The following PLEKHG7 variants were observed in gnomAD, a reference collection of about 807,000 sequenced individuals.
PLEKHG7 encodes the protein pleckstrin homology domain-containing family G member 7.
A neutral mutation model predicts 85.2 loss-of-function variants in PLEKHG7; 77 were observed. The observed-to-expected ratio is 0.90, with a 90% CI of 0.75 to 1.09. The LOEUF is 1.09. Ranked by LOEUF, PLEKHG7 falls within the 50% of genes least tolerant of loss-of-function variation. The pLI is 0.00. For synonymous variants in PLEKHG7, 301 were observed against 302.4 expected, an observed-to-expected ratio of 1.00 and a Z score of 0.05; for missense variants, 777 against 804.3, an observed-to-expected ratio of 0.97 and a Z score of 0.41.
chr12:92,718,687 G>A (rs1167887125), intron 3 of PLEKHG7, among the ~76,000 whole-genome samples: 1 of 152,038 alleles, frequency 6.6e-6, no homozygotes. Flanking sequence ...ATAGTTTTGT[G>A]CTTGTCTCTG....
rs759455879 is a variant in PLEKHG7, at chr12:92,764,183, T to G, written c.1859T>G (p.Leu620Arg). The G allele has an allele frequency of 1.9e-6, 3 of 1,605,642 alleles. No individual in the cohort carries two copies. Among genetic ancestry groups the G allele is most frequent in the Non-Finnish European group, 1.7e-6 (2 of 1,175,652 alleles). The stretch of plus-strand genomic sequence containing the variant: ...TTGGTAGTCAAAAGTATTGAACCAC[T>G]CCATGTGTCAGGTATGTGTCTATTT... ...DRLVVKSIEP[L>R]HVSVFGLRNA... is the part of the protein sequence containing the mutation. The change falls in exon 15 of 17, where the codon CTC becomes CGC. Residue 620 changes from leucine to arginine, a missense_variant. Around this residue, in one of 3 missense-constraint regions of PLEKHG7, gnomAD observed 520 missense variants for 544.0 expected, o/e 0.96. Coordinates refer to ENST00000344636, the MANE Select transcript of PLEKHG7 (RefSeq NM_001377329.1).
intron 3 of PLEKHG7, among the ~76,000 whole-genome samples, chr12:92,714,706 G>T (rs1203016675): frequency 6.6e-6 from 1 of 152,076 alleles, no homozygotes; most frequent in Non-Finnish European, 1.5e-5. Context: ...TATGTTCCTT[G>T]GTTCTCCACA....
At chr12:92,765,306 G>A (rs1406330730) in intron 15 of PLEKHG7, among the ~76,000 whole-genome samples, 14 of 140,960 alleles carry the variant, frequency 9.9e-5, no homozygotes, top group Non-Finnish European at 1.5e-4. Flanking sequence ...GGGCAACATA[G>A]TGAGACCCAG....
chr12:92,756,396 A>G lies in PLEKHG7; in HGVS notation c.1636+5A>G. On this transcript the variant is annotated splice_donor_5th_base_variant and intron_variant, in intron 13 of 16. Transcript: ENST00000344636. ...AAGGAAAATTAACTCTTGCAGGTAA[A>G]TAACTGCTTCCTTTAAAAAACCCAA... is the stretch of plus-strand genomic sequence containing the variant. The G allele has an allele frequency of 6.3e-7, 1 of 1,599,392 alleles. No homozygotes were observed. The highest frequency in any genetic ancestry group is 8.6e-7 in the Non-Finnish European group (1 of 1,167,038).
chr12:92,749,282 A>T (rs76884271), intron 10 of PLEKHG7, among the ~76,000 whole-genome samples: 23,031 of 151,862 alleles, frequency 0.15, 2,036 homozygotes, highest in African/African-American at 0.24. Context: ...TTAATTAATT[A>T]ATTTATTTAT....
intron 13 of PLEKHG7, among the ~76,000 whole-genome samples, 180 bp from the exon 14 acceptor site, chr12:92,761,572 G>T (rs1244558990): frequency 6.9e-6 from 1 of 145,274 alleles, no homozygotes; most frequent in Non-Finnish European, 1.5e-5. Flanking sequence ...AGGAAGGAAG[G>T]AAGGAAGGAA....
chr12:92,747,764 T>C (rs765921231), intron 10 of PLEKHG7, among the ~76,000 whole-genome samples: 28 of 152,154 alleles, frequency 1.8e-4, no homozygotes, highest in Non-Finnish European at 2.8e-4. Flanking sequence ...CAGATAAAAC[T>C]AGAGGTCATT....
intron 10 of PLEKHG7, among the ~76,000 whole-genome samples, chr12:92,747,028 A>G (rs184135683): frequency 1.6e-3 from 244 of 152,356 alleles, no homozygotes; most frequent in African/African-American, 5.4e-3. Context: ...AAATAGACAA[A>G]TAGTACTATA....
At chr12:92,730,110 C>T (rs1040490282) in intron 4 of PLEKHG7, among the ~76,000 whole-genome samples, 17 of 152,148 alleles carry the variant, frequency 1.1e-4, no homozygotes, top group Non-Finnish European at 2.2e-4. Context: ...GTCTCCTGTA[C>T]GTGGAGCCCA....
Position 92,770,327 on chromosome 12 carries a change from A to G in PLEKHG7, c.*132A>G. 1.4e-6 allele frequency: 1 copy of G among 724,346 alleles called. No individual in the cohort carries two copies. The allele number at this position is 724,346 out of a possible 1,614,324, so 44.9% of individuals were successfully genotyped here. On this transcript the variant is annotated 3_prime_UTR_variant, in exon 17 of 17. Coordinates refer to ENST00000344636, the MANE Select transcript of PLEKHG7 (RefSeq NM_001377329.1). ...ATTTTAAAGAAGTTTCAGAATTTGA[A>G]ATTTTGAGCTAGGAAAATCCTCAGT...
chr12:92,703,869 G>C (rs1349985203), intron 1 of PLEKHG7, among the ~76,000 whole-genome samples: 3 of 152,106 alleles, frequency 2.0e-5, no homozygotes, highest in Admixed American at 2.0e-4. Flanking sequence ...GTGTCTGAAC[G>C]ACTACAAAGG....
rs1555196589 is a variant in PLEKHG7, at chr12:92,761,631, A to AAAGAAAG, written c.1637-118_1637-112dup. The AAAGAAAG allele has an allele frequency of 1.4e-4, 22 of 155,466 alleles. No homozygotes were observed. The African/African-American group carries it at 1.8e-3, about 13-fold the overall frequency. 9.6% of individuals were successfully genotyped at this position (155,466 alleles called of 1,614,324 possible). ...AAAAAGAAAGAAAGAAAGAAGAAAG[A>AAAGAAAG]AAGAAAGAAAGAAAGAAAGAAAGAA... On this transcript the variant is annotated intron_variant, in intron 13 of 16. Transcript: ENST00000344636.
intron 3 of PLEKHG7, among the ~76,000 whole-genome samples, chr12:92,720,760 A>T (rs2136581368): frequency 6.6e-6 from 1 of 152,282 alleles, no homozygotes; most frequent in South Asian, 2.1e-4. Context: ...CCATATGCAC[A>T]TGTTCCAGGG....
In PLEKHG7 at chr12:92,739,977, G is replaced by A. The variant is rs57968981; in HGVS notation, c.940-876G>A. Among the ~76,000 whole-genome samples the A allele has an allele frequency of 3.5e-3, 531 of 152,248 alleles. 6 individuals carry two copies. Among genetic ancestry groups the A allele is most frequent in the African/African-American group, 0.012 (497 of 41,546 alleles). ...TTGGAAATGCATGTTCTCAGACCCC[G>A]TCACAGATGAGGGTGGGGGCCCAGC... On this transcript the variant is annotated intron_variant, in intron 7 of 16. Transcript: ENST00000344636.
chr12:92,761,978 CT>C, intron 14 of PLEKHG7, 147 bp downstream of exon 14: 2 of 986,450 alleles, frequency 2.0e-6, no homozygotes, highest in Non-Finnish European at 1.3e-6. Flanking sequence ...AAACTATTGG[CT>C]TTTTTAGTCA....
intron 3 of PLEKHG7, among the ~76,000 whole-genome samples, chr12:92,712,536 C>T (rs1411174178): frequency 6.6e-6 from 1 of 152,180 alleles, no homozygotes; most frequent in Non-Finnish European, 1.5e-5. Flanking sequence ...CTGCACAGGC[C>T]AAATGGGAGA....
intron 3 of PLEKHG7, among the ~76,000 whole-genome samples, chr12:92,722,156 A>G (rs899959402): frequency 1.3e-5 from 2 of 152,078 alleles, no homozygotes; most frequent in African/African-American, 2.4e-5. Context: ...AAATTCAGTC[A>G]TGCTGAACTC....
chr12:92,744,167 G>T (rs1872450900), intron 9 of PLEKHG7, among the ~76,000 whole-genome samples: 1 of 152,170 alleles, frequency 6.6e-6, no homozygotes, highest in African/African-American at 2.4e-5. Context: ...GACTGGGTCT[G>T]CTTTCTCTAC....
Position 92,706,457 on chromosome 12 carries a change from C to A in PLEKHG7, c.-161-14C>A, listed in dbSNP as rs1871229541. Reference sequence around the variant, plus strand: ...TTTGCTACATATTTCACAGTCTGCTCTTCCTCACTACAGATGCAATAACCT... The same window carrying A: ...TTTGCTACATATTTCACAGTCTGCTATTCCTCACTACAGATGCAATAACCT... On this transcript the variant is annotated splice_polypyrimidine_tract_variant and intron_variant, in intron 1 of 16. Transcript: ENST00000344636. 2.8e-6 allele frequency: 2 copies of A among 710,592 alleles called. No homozygotes were observed. The highest frequency in any genetic ancestry group is 1.8e-5 in the African/African-American group (1 of 56,110). The allele number at this position is 710,592 out of a possible 1,614,324, so 44.0% of individuals were successfully genotyped here. A position where few individuals can be genotyped will look rare whatever the true frequency, so the allele number is the denominator to read the frequency against.
Sources: gnomAD v4.1 joint callset for allele counts (sites outside exome capture counted in the v4.1 genomes callset) on GRCh38, gnomAD v4.1.1 for gene constraint, gnomAD v4.1.1 regional missense constraint, MANE v1.5 for transcripts, NCBI Gene and HGNC (gene_info 2026-07-23, HGNC 2026-07-21) for gene names.